Variants in GNL1 observed in about 807,000 individuals in gnomAD.
GNL1 encodes guanine nucleotide-binding protein-like 1.
Under a neutral mutation model 75.2 loss-of-function variants are expected in GNL1, and 21 were observed. That is an observed-to-expected ratio of 0.28 (90% CI 0.20 to 0.40). The LOEUF is 0.40. Ranked by LOEUF, GNL1 falls within the 10% of genes least tolerant of loss-of-function variation. The pLI is 1.00. For synonymous variants in GNL1, 287 were observed against 303.4 expected, an observed-to-expected ratio of 0.95 and a Z score of 0.56; for missense variants, 579 against 775.0, an observed-to-expected ratio of 0.75 and a Z score of 3.00.
Position 30,547,430 on chromosome 6 carries a change from G to C in GNL1, c.1200C>G (p.Thr400=), listed in dbSNP as rs9468786. 1.4e-4 allele frequency: 222 copies of C among 1,614,018 alleles called. 1 individual carries two copies. The African/African-American group carries it at 2.9e-3, about 21-fold the overall frequency. The change falls in exon 9 of 12, where the codon ACC becomes ACG. Residue 400 remains threonine, a synonymous_variant. Transcript: ENST00000376621. This position sits in a 1 kb window ranked among gnomAD's most constrained non-coding sequence, Gnocchi z 5.5. ...GCTTCACAGAGGGGGTAAGAAAGTA[G>C]GTCTGAAAGTATCGGGTATGGCCCG... The part of the protein sequence containing the change: ...RTPGHTRYFQ[T]YFLTPSVKLC...
At position 30,555,530 on chromosome 6, in the gene GNL1, G is replaced by T. The variant is rs755751091; in HGVS notation, c.239+25C>A. On this transcript the variant is annotated intron_variant, in intron 2 of 11. Coordinates refer to ENST00000376621, the MANE Select transcript of GNL1 (RefSeq NM_005275.5). This position sits in a 1 kb window ranked among gnomAD's most constrained non-coding sequence, Gnocchi z 4.3. ...ACTTCCGGGTAGGCGGGAAAGCCGG[G>T]ACCAGCGCCCCCTCCCACCCTCACC... 1 of 1,596,030 alleles carries T rather than the reference G, an allele frequency of 6.3e-7. No individual in the cohort carries two copies. The highest frequency in any genetic ancestry group is 1.1e-5 in the South Asian group (1 of 90,042).
intron 5 of GNL1, among the ~76,000 whole-genome samples, chr6:30,553,950 T>C (rs1799968351): frequency 6.6e-6 from 1 of 152,128 alleles, no homozygotes; most frequent in African/African-American, 2.4e-5. Context: ...TACGTGCACA[T>C]GTGTGCATGT....
At position 30,547,236 on chromosome 6, in the gene GNL1, C is replaced by T; in HGVS notation, c.1317G>A (p.Glu439=). ...AGIYPIAQIQ[E]PYTAVGYLAS... The stretch of plus-strand genomic sequence containing the variant: ...CCAGGTAGCCCACAGCAGTGTAGGG[C>T]TCCTGGATCTGGGCGATAGGGTAGA... The change falls in exon 10 of 12, where the codon GAG becomes GAA. Residue 439 remains glutamate, a synonymous_variant. Transcript: ENST00000376621. This position sits in a 1 kb window ranked among gnomAD's most constrained non-coding sequence, Gnocchi z 5.5. 1 of 1,610,310 alleles carries T rather than the reference C, an allele frequency of 6.2e-7. No individual in the cohort carries two copies. The highest frequency in any genetic ancestry group is 8.5e-7 in the Non-Finnish European group (1 of 1,178,340).
Position 30,547,058 on chromosome 6 carries a change from G to GT in GNL1, c.1441+53dup. On this transcript the variant is annotated intron_variant, in intron 10 of 11. Coordinates refer to ENST00000376621, the MANE Select transcript of GNL1 (RefSeq NM_005275.5). The surrounding 1 kb of genome is among the most constrained non-coding windows in gnomAD (Gnocchi z 5.5). The stretch of plus-strand genomic sequence containing the variant: ...CAGGGAAGGGTAAAAGGCGAGGCAG[G>GT]TAAGGAAGAGCAGCTGAAACCAGGT... The GT allele has an allele frequency of 6.7e-7, 1 of 1,496,104 alleles. No individual in the cohort carries two copies. Among genetic ancestry groups the GT allele is most frequent in the African/African-American group, 1.4e-5 (1 of 72,780 alleles). 92.7% of individuals were successfully genotyped at this position (1,496,104 alleles called of 1,614,324 possible).
Position 30,546,629 on chromosome 6 carries a change from C to A in GNL1, c.1582+67G>T. The A allele has an allele frequency of 7.5e-7, 1 of 1,330,620 alleles. No homozygotes were observed. The highest frequency in any genetic ancestry group is 1.0e-6 in the Non-Finnish European group (1 of 958,792). 82.4% of individuals were successfully genotyped at this position (1,330,620 alleles called of 1,614,324 possible). A position where few individuals can be genotyped will look rare whatever the true frequency, so the allele number is the denominator to read the frequency against. On this transcript the variant is annotated intron_variant, in intron 11 of 11. Coordinates refer to ENST00000376621, the MANE Select transcript of GNL1 (RefSeq NM_005275.5). The surrounding 1 kb of genome is among the most constrained non-coding windows in gnomAD (Gnocchi z 5.1). ...AATCCAGGTTTGACCCTCTCTCTGG[C>A]CACAAAGCCCACACCCTTTTACCTA...
intron 5 of GNL1, 52 bp downstream of exon 5, chr6:30,554,523 C>T: frequency 9.5e-7 from 1 of 1,047,314 alleles, no homozygotes; most frequent in South Asian, 1.3e-5. Flanking sequence ...GACCTTTGCC[C>T]CTGAAAAACC....
Position 30,547,120 on chromosome 6 carries a change from A to G in GNL1, c.1433T>C (p.Ile478Thr). Reference protein sequence around the residue: ...SAEHPWCAWDICEAWAEKRGY... With the variant: ...SAEHPWCAWDTCEAWAEKRGY... ...AGGCACATGGAACTCACCTTCACAG[A>G]TGTCCCAGGCACACCAGGGGTGTTC... The change falls in exon 10 of 12, where the codon ATC (isoleucine) becomes ACC (threonine). Residue 478 changes from isoleucine to threonine, a missense_variant. Physicochemically the swap from Ile to Thr is moderately conservative, Grantham distance 89 (BLOSUM62 -1). Transcript: ENST00000376621. This position sits in a 1 kb window ranked among gnomAD's most constrained non-coding sequence, Gnocchi z 5.5. 2 of 1,611,866 alleles carry G rather than the reference A, an allele frequency of 1.2e-6. No homozygotes were observed. The highest frequency in any genetic ancestry group is 4.5e-5 in the East Asian group (2 of 44,864).
Position 30,543,559 on chromosome 6 carries a change from T to C in GNL1, c.*2513A>G, listed in dbSNP as rs1799288606. ...AGAAACACGTAAAATAATGCTTTTA[T>C]AGTTTACATACTGCTATAGAGCTAT... On this transcript the variant is annotated 3_prime_UTR_variant, in exon 12 of 12. Coordinates refer to ENST00000376621, the MANE Select transcript of GNL1 (RefSeq NM_005275.5). The C allele has an allele frequency of 6.6e-6, 1 of 152,212 alleles. No individual in the cohort carries two copies. Among genetic ancestry groups the C allele is most frequent in the African/African-American group, 2.4e-5 (1 of 41,452 alleles). 9.4% of individuals were successfully genotyped at this position (152,212 alleles called of 1,614,324 possible). A position where few individuals can be genotyped will look rare whatever the true frequency, so the allele number is the denominator to read the frequency against.
At chr6:30,551,983 C>T (rs890564508) in intron 8 of GNL1, among the ~76,000 whole-genome samples, 2 of 152,104 alleles carry the variant, frequency 1.3e-5, no homozygotes, top group Non-Finnish European at 2.9e-5. Context: ...CTGCCTCAGC[C>T]TCTGAAGTAG....
rs750641188 is a variant in GNL1 at position 30,547,528 on chromosome 6, A to C, written c.1102T>G (p.Phe368Val). 2 of 1,613,266 alleles carry C rather than the reference A, an allele frequency of 1.2e-6. No individual in the cohort carries two copies. The highest frequency in any genetic ancestry group is 1.7e-6 in the Non-Finnish European group (2 of 1,179,666). Residue 368 changes from phenylalanine to valine, a missense_variant and splice_region_variant, in exon 9 of 12, where the codon TTC (phenylalanine) becomes GTC (valine). Transcript: ENST00000376621. This position sits in a 1 kb window ranked among gnomAD's most constrained non-coding sequence, Gnocchi z 5.5. Reference sequence around the variant, plus strand: ...AGCGAGGACTTTCCCACATTAGGGAAACCTGAGGAAGGCAAGGAAAATTAA... The same window carrying C: ...AGCGAGGACTTTCCCACATTAGGGACACCTGAGGAAGGCAAGGAAAATTAA... ...DGVVTIGCVG[F>V]PNVGKSSLIN... is the part of the protein sequence containing the mutation.
rs751898860 is a variant in GNL1, at chr6:30,555,747, T to A, written c.74-27A>T. The stretch of plus-strand genomic sequence containing the variant: ...TGCGGGGAGGGGCCGGTGACGCCAG[T>A]GCTGGCCAGCTCTCAGGGGCCATAA... On this transcript the variant is annotated intron_variant, in intron 1 of 11. Coordinates refer to ENST00000376621, the MANE Select transcript of GNL1 (RefSeq NM_005275.5). This position sits in a 1 kb window ranked among gnomAD's most constrained non-coding sequence, Gnocchi z 4.3. 6.8e-6 allele frequency: 11 copies of A among 1,610,104 alleles called. No individual in the cohort carries two copies. Among genetic ancestry groups the A allele is most frequent in the Non-Finnish European group, 9.3e-6 (11 of 1,177,822 alleles).
Position 30,550,818 on chromosome 6 carries a change from G to C in GNL1, c.1099+1649C>G, listed in dbSNP as rs1188560817. 3.3e-5 allele frequency among the ~76,000 whole-genome samples: 5 copies of C among 152,110 alleles called. No homozygotes were observed. The South Asian group carries it at 8.3e-4, about 25-fold the overall frequency. ...ATACTCCAATCCCCTGGGCACTCTT[G>C]CTGGTCCTAGAATCTCCAAGCCCGT... On this transcript the variant is annotated intron_variant, in intron 8 of 11. Transcript: ENST00000376621.
Position 30,542,594 on chromosome 6 carries a change from G to C in GNL1, c.*3478C>G, listed in dbSNP as rs1183863032. ...CCACCCAGTTGCCAAGTCAGAAACA[G>C]GATGTATACTCTTGACTTGTCTCTC... On this transcript the variant is annotated 3_prime_UTR_variant, in exon 12 of 12. Transcript: ENST00000376621. The surrounding 1 kb of genome is among the most constrained non-coding windows in gnomAD (Gnocchi z 4.5). The C allele has an allele frequency of 2.6e-5, 4 of 152,184 alleles. No individual in the cohort carries two copies. Among genetic ancestry groups the C allele is most frequent in the Non-Finnish European group, 5.9e-5 (4 of 68,060 alleles). 9.4% of individuals were successfully genotyped at this position (152,184 alleles called of 1,614,324 possible). A position where few individuals can be genotyped will look rare whatever the true frequency, so the allele number is the denominator to read the frequency against.
At position 30,554,892 on chromosome 6, in the gene GNL1, G is replaced by C; in HGVS notation, c.400C>G (p.Pro134Ala). The change falls in exon 4 of 12, where the codon CCT (proline) becomes GCT (alanine). Residue 134 changes from proline to alanine, a missense_variant. Physicochemically the swap from Pro to Ala is conservative, Grantham distance 27. Coordinates refer to ENST00000376621, the MANE Select transcript of GNL1 (RefSeq NM_005275.5). ...TCCTTGGACATCTCATAGCTCCAAG[G>C]AGGACGTCGAGGAAAGTCCAGAACT... ...GSVLDFPRRP[P>A]WSYEMSKEQL... 1 of 1,612,888 alleles carries C rather than the reference G, an allele frequency of 6.2e-7. No homozygotes were observed. The highest frequency in any genetic ancestry group is 8.5e-7 in the Non-Finnish European group (1 of 1,179,884).
Position 30,545,179 on chromosome 6 carries a change from T to C in GNL1, c.*893A>G, listed in dbSNP as rs1562697894. 1.3e-5 allele frequency: 2 copies of C among 152,252 alleles called. No homozygotes were observed. The highest frequency in any genetic ancestry group is 4.8e-5 in the African/African-American group (2 of 41,458). 9.4% of individuals were successfully genotyped at this position (152,252 alleles called of 1,614,324 possible). A position where few individuals can be genotyped will look rare whatever the true frequency, so the allele number is the denominator to read the frequency against. On this transcript the variant is annotated 3_prime_UTR_variant, in exon 12 of 12. Coordinates refer to ENST00000376621, the MANE Select transcript of GNL1 (RefSeq NM_005275.5). Reference sequence around the variant, plus strand: ...GAGGCTGGTTCTGTGCCCGCCCCTATGTACCTCAAATACTCGTAGCTGCCA... The same window carrying C: ...GAGGCTGGTTCTGTGCCCGCCCCTACGTACCTCAAATACTCGTAGCTGCCA...
Position 30,555,422 on chromosome 6 carries a change from G to C in GNL1, c.239+133C>G, listed in dbSNP as rs956619018. 30 of 1,010,714 alleles carry C rather than the reference G, an allele frequency of 3.0e-5. 1 individual carries two copies. The highest frequency in any genetic ancestry group is 2.9e-4 in the Middle Eastern group (1 of 3,500). 62.6% of individuals were successfully genotyped at this position (1,010,714 alleles called of 1,614,324 possible). ...AAAGGAAGACTGTGGCCCGCTGTGG[G>C]GAGCCGAGTGGCTAGCGGAGAACTG... is the stretch of plus-strand genomic sequence containing the variant. On this transcript the variant is annotated intron_variant, in intron 2 of 11. Transcript: ENST00000376621. The surrounding 1 kb of genome is among the most constrained non-coding windows in gnomAD (Gnocchi z 4.3).
At position 30,546,598 on chromosome 6, in the gene GNL1, G is replaced by A; in HGVS notation, c.1582+98C>T. ...GTTAAGTAACAGAGCTAGCCAACAG[G>A]TACAGAATCCAGGTTTGACCCTCTC... is the stretch of plus-strand genomic sequence containing the variant. On this transcript the variant is annotated intron_variant, in intron 11 of 11. Coordinates refer to ENST00000376621, the MANE Select transcript of GNL1 (RefSeq NM_005275.5). The surrounding 1 kb of genome is among the most constrained non-coding windows in gnomAD (Gnocchi z 5.1). 1.0e-6 allele frequency: 1 copy of A among 988,486 alleles called. No homozygotes were observed. Among genetic ancestry groups the A allele is most frequent in the Middle Eastern group, 2.2e-4 (1 of 4,566 alleles). 61.2% of individuals were successfully genotyped at this position (988,486 alleles called of 1,614,324 possible).
chr6:30,550,783 C>T (rs1007501606), intron 8 of GNL1, among the ~76,000 whole-genome samples: 2 of 152,126 alleles, frequency 1.3e-5, no homozygotes, highest in African/African-American at 4.8e-5. Flanking sequence ...AGTACTTTAT[C>T]CTGGCTCCCA....
chr6:30,551,862 C>T (rs1348808131), intron 8 of GNL1, among the ~76,000 whole-genome samples: 3 of 151,992 alleles, frequency 2.0e-5, no homozygotes, highest in Non-Finnish European at 4.4e-5. Flanking sequence ...CCCATCATTC[C>T]TCACATCCAT....
Sources: gnomAD v4.1 joint callset for allele counts (sites outside exome capture counted in the v4.1 genomes callset) on GRCh38, gnomAD v4.1.1 for gene constraint, Gnocchi (gnomAD v3.1) non-coding constraint, MANE v1.5 for transcripts, NCBI Gene and HGNC (gene_info 2026-07-23, HGNC 2026-07-21) for gene names.